Variants in ANKFN1 observed in about 807,000 individuals in gnomAD.
ANKFN1 encodes ankyrin repeat and fibronectin type-III domain-containing protein 1.
A neutral mutation model predicts 108.7 loss-of-function variants in ANKFN1; 74 were observed. The observed-to-expected ratio is 0.68, with a 90% CI of 0.56 to 0.83. The LOEUF (loss-of-function observed/expected upper bound fraction) is 0.83. ANKFN1 is among the 40% of genes least tolerant of loss of function. The pLI is 0.00. For synonymous variants in ANKFN1, 547 were observed against 516.2 expected, an observed-to-expected ratio of 1.06 and a Z score of -0.81; for missense variants, 1,505 against 1,382.3, an observed-to-expected ratio of 1.09 and a Z score of -1.41.
chr17:56,052,504 A>C (rs1210388613), intron 4 of ANKFN1, among the ~76,000 whole-genome samples: 1 of 152,216 alleles, frequency 6.6e-6, no homozygotes, highest in Non-Finnish European at 1.5e-5. Context: ...TTTAAGAAAG[A>C]CATTAGGAGG....
In ANKFN1 at chr17:56,115,377, T is replaced by A. The variant is rs145722790; in HGVS notation, c.288+69052T>A. The stretch of plus-strand genomic sequence containing the variant: ...CTGTAAGTACTGACATGCCAAATTC[T>A]TCAAAACAAAACACACAGAAGAAGC... On this transcript the variant is annotated intron_variant, in intron 4 of 12. Coordinates refer to the ANKFN1 transcript ENST00000635860. Among the ~76,000 whole-genome samples, 214 of 152,266 alleles carry A rather than the reference T, an allele frequency of 1.4e-3. 2 individuals carry two copies. Among genetic ancestry groups the A allele is most frequent in the African/African-American group, 5.1e-3 (211 of 41,544 alleles).
intron 4 of ANKFN1, among the ~76,000 whole-genome samples, chr17:56,069,884 A>G (rs1406779770): frequency 6.6e-6 from 1 of 152,216 alleles, no homozygotes; most frequent in East Asian, 1.9e-4. Flanking sequence ...TCTTGATTAT[A>G]TGCTACATAA....
At chr17:56,326,641 C>T (rs1249343090) in intron 4 of ANKFN1, among the ~76,000 whole-genome samples, 1 of 152,190 alleles carries the variant, frequency 6.6e-6, no homozygotes. Context: ...ACATTAAGTG[C>T]TTGCATAACT....
At chr17:56,420,664 T>C (rs1331427958) in intron 8 of ANKFN1, among the ~76,000 whole-genome samples, 2 of 151,206 alleles carry the variant, frequency 1.3e-5, no homozygotes, top group African/African-American at 4.9e-5. Context: ...ATATTCTATG[T>C]TGCTTCTTCT....
chr17:56,138,416 T>A (rs1907715387), intron 4 of ANKFN1, among the ~76,000 whole-genome samples: 1 of 152,118 alleles, frequency 6.6e-6, no homozygotes, highest in Non-Finnish European at 1.5e-5. Flanking sequence ...TTCATAGTAC[T>A]CATACAGCAG....
At chr17:56,057,772 G>A (rs1904903713) in intron 4 of ANKFN1, among the ~76,000 whole-genome samples, 1 of 116,404 alleles carries the variant, frequency 8.6e-6, no homozygotes, top group Admixed American at 8.6e-5. Context: ...GCAACAGAGT[G>A]AAACTCTGTC....
rs1475212730 is a variant in ANKFN1, at chr17:56,511,351, G to A, written c.*82G>A. 9 of 1,291,138 alleles carry A rather than the reference G, an allele frequency of 7.0e-6. No homozygotes were observed. Among genetic ancestry groups the A allele is most frequent in the Non-Finnish European group, 6.2e-6 (6 of 967,176 alleles). 80.0% of individuals were successfully genotyped at this position (1,291,138 alleles called of 1,614,324 possible). A position where few individuals can be genotyped will look rare whatever the true frequency, so the allele number is the denominator to read the frequency against. ...CCTTACCCCCATCCTGCCCCACTGT[G>A]TACCCACTCATTTTCAAGCGTTTTG... On this transcript the variant is annotated 3_prime_UTR_variant, in exon 21 of 21. Transcript: ENST00000682825.
intron 4 of ANKFN1, among the ~76,000 whole-genome samples, chr17:56,049,139 T>C (rs559144656): frequency 1.3e-5 from 2 of 152,338 alleles, no homozygotes; most frequent in African/African-American, 4.8e-5. Context: ...TTCTTTTATT[T>C]TCTCCTCCTT....
chr17:56,399,375 A>T (rs1008927792), intron 8 of ANKFN1, among the ~76,000 whole-genome samples: 1 of 152,170 alleles, frequency 6.6e-6, no homozygotes, highest in Non-Finnish European at 1.5e-5. Context: ...TTCAACAAAA[A>T]CAACTATGAG....
At chr17:56,328,401 G>A (rs1019197834) in intron 4 of ANKFN1, among the ~76,000 whole-genome samples, 2 of 152,168 alleles carry the variant, frequency 1.3e-5, no homozygotes, top group Admixed American at 6.5e-5. Flanking sequence ...ACTCAATTAA[G>A]TATTGATGTC....
intron 3 of ANKFN1, among the ~76,000 whole-genome samples, chr17:56,306,393 A>G (rs2044826457): frequency 6.6e-6 from 1 of 152,236 alleles, no homozygotes. Context: ...TACATTTAAG[A>G]TTTATGTGCA....
At chr17:56,067,983 C>T (rs987012815) in intron 4 of ANKFN1, among the ~76,000 whole-genome samples, 2 of 152,082 alleles carry the variant, frequency 1.3e-5, no homozygotes, top group Non-Finnish European at 2.9e-5. Flanking sequence ...CATCTAAGGC[C>T]TTTCTGCTTG....
chr17:56,299,082 CA>C (rs2044599150), intron 3 of ANKFN1, among the ~76,000 whole-genome samples: 1 of 152,178 alleles, frequency 6.6e-6, no homozygotes, highest in Non-Finnish European at 1.5e-5. Flanking sequence ...ATGCTCACAC[CA>C]CAAGAGAGTC....
intron 15 of ANKFN1, chr17:56,472,464 T>C (rs1031640380): frequency 1.3e-5 from 2 of 152,192 alleles, no homozygotes; most frequent in Non-Finnish European, 2.9e-5. Context: ...AAGGTGGATA[T>C]ACCCTTCCTA....
chr17:56,391,223 ATATATATATATATATATATATATATG>A (rs1357570964), intron 8 of ANKFN1, among the ~76,000 whole-genome samples: 1 of 20,832 alleles, frequency 4.8e-5, no homozygotes, highest in Non-Finnish European at 1.6e-4. Flanking sequence ...ATATATATAT[ATATATATATATATATATATATATATG>A]TATGTGTGTG....
rs1007365592 is a variant in ANKFN1, at chr17:56,499,051, C to A, written c.2597C>A (p.Pro866Gln). 2.7e-5 allele frequency: 41 copies of A among 1,535,660 alleles called. No individual in the cohort carries two copies. The Middle Eastern group carries it at 5.0e-4, about 19-fold the overall frequency. ...TCATCATCACATATAGACTGTCTTCCATCCCCACCCCCATCCCCAGAGATG... is the reference window on the plus strand; with the variant it reads ...TCATCATCACATATAGACTGTCTTCAATCCCCACCCCCATCCCCAGAGATG... Reference protein sequence around the residue: ...STSSSHIDCLPSPPPSPEMHR... With the variant: ...STSSSHIDCLQSPPPSPEMHR... The change falls in exon 20 of 21, where the codon CCA becomes CAA. Residue 866 changes from proline to glutamine, a missense_variant. Pro to Gln is a moderately conservative substitution (Grantham distance 76, BLOSUM62 -1). Transcript: ENST00000682825.
chr17:56,078,322 C>G (rs1055595131), intron 4 of ANKFN1, among the ~76,000 whole-genome samples: 1 of 152,180 alleles, frequency 6.6e-6, no homozygotes, highest in African/African-American at 2.4e-5. Context: ...TCTTCAATTC[C>G]TTAGGCCACA....
At chr17:56,264,746 G>A (rs2043605946) in intron 3 of ANKFN1, among the ~76,000 whole-genome samples, 1 of 152,104 alleles carries the variant, frequency 6.6e-6, no homozygotes, top group African/African-American at 2.4e-5. Context: ...CAGTCTACTT[G>A]GGCTTCAGTT....
chr17:56,077,057 C>T (rs774086141), intron 4 of ANKFN1, among the ~76,000 whole-genome samples: 5 of 152,126 alleles, frequency 3.3e-5, no homozygotes, highest in Non-Finnish European at 7.4e-5. Flanking sequence ...GTAGGAGTAA[C>T]AGCAACACAA....
Sources: gnomAD v4.1 joint callset for allele counts (sites outside exome capture counted in the v4.1 genomes callset) on GRCh38, gnomAD v4.1.1 for gene constraint, MANE v1.5 for transcripts, NCBI Gene and HGNC (gene_info 2026-07-23, HGNC 2026-07-21) for gene names.